The following ITIH6 variants were observed in gnomAD, a reference collection of about 807,000 sequenced individuals.
ITIH6 encodes inter-alpha-trypsin inhibitor heavy chain H6.
A neutral mutation model predicts 58.2 loss-of-function variants in ITIH6; 60 were observed. The ratio of observed to expected loss-of-function variants is 1.03; its 90% confidence interval spans 0.84 to 1.28. The LOEUF is 1.28. Ranked by LOEUF, ITIH6 falls within the 50% of genes most tolerant of loss-of-function variation. The pLI is 0.00. For missense variants in ITIH6, 1,290 were observed against 1,021.1 expected (o/e 1.26, Z -3.59); for synonymous variants, 493 against 417.4 (o/e 1.18, Z -2.21).
At chrX:54,755,517 A>G (rs1602050342) in intron 8 of ITIH6, among the ~76,000 whole-genome samples, 1 of 111,084 alleles carries the variant, frequency 9.0e-6, no homozygotes, top group Non-Finnish European at 1.9e-5. Flanking sequence ...TTAAACAGAG[A>G]CCTGAAGTAG....
chrX:54,750,389 G>T (rs1010872860), intron 12 of ITIH6, among the ~76,000 whole-genome samples: 3 of 110,650 alleles, frequency 2.7e-5, no homozygotes, highest in African/African-American at 9.9e-5. Flanking sequence ...GAGACAAGAG[G>T]AGGGAGGAGG....
rs182886694 is a variant in ITIH6 at position 54,793,254 on chromosome X, G to T, written c.258-1218C>A. On this transcript the variant is annotated intron_variant, in intron 2 of 12. Transcript: ENST00000218436. Reference sequence around the variant, plus strand: ...TACTATGCAGCCATAAAAATGATGAGTTCATGTCCTTTGTAGGGACATGGA... The same window carrying T: ...TACTATGCAGCCATAAAAATGATGATTTCATGTCCTTTGTAGGGACATGGA... 7.4e-3 allele frequency among the ~76,000 whole-genome samples: 828 copies of T among 111,547 alleles called. 7 individuals carry two copies. The highest frequency in any genetic ancestry group is 0.026 in the African/African-American group (790 of 30,643).
intron 5 of ITIH6, among the ~76,000 whole-genome samples, chrX:54,785,835 T>C (rs763525271): frequency 9.0e-6 from 1 of 111,672 alleles, no homozygotes; most frequent in African/African-American, 3.3e-5. Flanking sequence ...AGGGTATCCA[T>C]AGCTGCTGGA....
intron 6 of ITIH6, among the ~76,000 whole-genome samples, chrX:54,762,926 T>C (rs1928681746): frequency 9.0e-6 from 1 of 111,627 alleles, no homozygotes; most frequent in Non-Finnish European, 1.9e-5. Flanking sequence ...ATGCATCAGC[T>C]CACTTAATTA....
rs1245308052 is a variant in ITIH6 at position 54,749,550 on chromosome X, T to G, written c.*345A>C. 1 of 186,231 alleles carries G rather than the reference T, an allele frequency of 5.4e-6. No individual in the cohort carries two copies. Among genetic ancestry groups the G allele is most frequent in the Non-Finnish European group, 9.9e-6 (1 of 101,314 alleles). 15.3% of individuals were successfully genotyped at this position (186,231 alleles called of 1,213,427 possible). ...TGAGCATGGTTTGTTAGGGAAACTC[T>G]GAGAGCCTTGAATATGCCATAGGAG... On this transcript the variant is annotated 3_prime_UTR_variant, in exon 13 of 13. Transcript: ENST00000218436.
At chrX:54,771,292 T>C (rs941731827) in intron 6 of ITIH6, among the ~76,000 whole-genome samples, 2 of 112,327 alleles carry the variant, frequency 1.8e-5, no homozygotes, top group Non-Finnish European at 3.8e-5. Context: ...CTTTCTCTCT[T>C]TCTTCTCCTT....
At chrX:54,786,935 G>A (rs891660222) in intron 5 of ITIH6, among the ~76,000 whole-genome samples, 1 of 111,569 alleles carries the variant, frequency 9.0e-6, no homozygotes, top group African/African-American at 3.3e-5. Flanking sequence ...GGCTTTGAAC[G>A]AAGGGCACAC....
intron 2 of ITIH6, 23 bp from the exon 3 acceptor site, chrX:54,792,059 G>A (rs756789391): frequency 3.8e-5 from 40 of 1,055,268 alleles, no homozygotes; most frequent in Non-Finnish European, 5.3e-5. Flanking sequence ...GAAAGAGGAG[G>A]GACAGTAGAG....
rs1009535595 is a variant in ITIH6, at chrX:54,797,154, G to A, written c.103-58C>T. The A allele has an allele frequency of 1.7e-5, 18 of 1,059,623 alleles. No homozygotes were observed. The African/African-American group carries it at 2.8e-4, about 16-fold the overall frequency. 87.3% of individuals were successfully genotyped at this position (1,059,623 alleles called of 1,213,427 possible). On this transcript the variant is annotated intron_variant, in intron 1 of 12. Transcript: ENST00000218436. ...TAGACTATGTCCTCAGCCTAGATGGGCTAGTCTTTGGGAACCCAAGATTCC... is the reference window on the plus strand; with the variant it reads ...TAGACTATGTCCTCAGCCTAGATGGACTAGTCTTTGGGAACCCAAGATTCC...
At chrX:54,760,626 C>T (rs901507188) in intron 6 of ITIH6, among the ~76,000 whole-genome samples, 6 of 111,015 alleles carry the variant, frequency 5.4e-5, no homozygotes, top group Non-Finnish European at 9.4e-5. Flanking sequence ...TGTGATGTTC[C>T]CCTTCCTGTG....
chrX:54,786,140 A>G (rs1929239872), intron 5 of ITIH6, among the ~76,000 whole-genome samples: 1 of 111,963 alleles, frequency 8.9e-6, no homozygotes, highest in African/African-American at 3.2e-5. Flanking sequence ...CAGGGGCACC[A>G]TCATCCACAT....
Position 54,750,050 on chromosome X carries a change from G to A in ITIH6, c.3787C>T (p.Arg1263Ter), listed in dbSNP as rs200661984. ...GGCACATCTGGGCCATGGTGCCTTCGTAAGCATGGCCCCATAGGTCCTGTC... is the reference window on the plus strand; with the variant it reads ...GGCACATCTGGGCCATGGTGCCTTCATAAGCATGGCCCCATAGGTCCTGTC... ...LVTGPMGPCL[R>*]RHHGPDVPVI... is the part of the protein sequence containing the mutation. Residue 1263 changes from arginine to a stop codon, truncating the protein, a stop_gained, in exon 13 of 13, where the codon CGA (arginine) becomes TGA (stop). Coordinates refer to ENST00000218436, the MANE Select transcript of ITIH6 (RefSeq NM_198510.3). LOFTEE classifies it high-confidence loss of function. 3.6e-5 allele frequency: 44 copies of A among 1,209,555 alleles called. No homozygotes were observed. Among genetic ancestry groups the A allele is most frequent in the African/African-American group, 8.7e-5 (5 of 57,169 alleles).
At chrX:54,778,602 G>T (rs1236042494) in intron 5 of ITIH6, among the ~76,000 whole-genome samples, 2 of 111,960 alleles carry the variant, frequency 1.8e-5, no homozygotes, top group Non-Finnish European at 3.8e-5. Context: ...AAAGTAAAAA[G>T]AATAAGAAGC....
In ITIH6 at chrX:54,755,097, C is replaced by A. The variant is rs17316491; in HGVS notation, c.3122G>T (p.Trp1041Leu). 2 of 1,205,702 alleles carry A rather than the reference C, an allele frequency of 1.7e-6. No individual in the cohort carries two copies. The change falls in exon 9 of 13, where the codon TGG (tryptophan) becomes TTG (leucine). Residue 1041 changes from tryptophan (W) to leucine (L), a missense_variant. Coordinates refer to ENST00000218436, the MANE Select transcript of ITIH6 (RefSeq NM_198510.3). Reference sequence around the variant, plus strand: ...CAGGATCTCCTCAGAATTGCCATCCCAGTTTGGACTTCCTGCCAAGCACAA... The same window carrying A: ...CAGGATCTCCTCAGAATTGCCATCCAAGTTTGGACTTCCTGCCAAGCACAA... Reference protein sequence around the residue: ...LTPDEDGSPNWDGNSEEILGG... With the variant: ...LTPDEDGSPNLDGNSEEILGG...
chrX:54,793,949 G>A (rs1191327105), intron 2 of ITIH6, among the ~76,000 whole-genome samples: 2 of 111,477 alleles, frequency 1.8e-5, no homozygotes, highest in Non-Finnish European at 3.8e-5. Context: ...CCTAGAGAAA[G>A]TTAGTGCAAC....
intron 6 of ITIH6, among the ~76,000 whole-genome samples, chrX:54,773,453 C>T (rs1208284401): frequency 9.0e-6 from 1 of 110,953 alleles, no homozygotes; most frequent in Non-Finnish European, 1.9e-5. Context: ...GATTAAGGAG[C>T]AAAGCTATAC....
At chrX:54,786,335 G>A (rs1320941155) in intron 5 of ITIH6, among the ~76,000 whole-genome samples, 2 of 111,351 alleles carry the variant, frequency 1.8e-5, no homozygotes, top group Non-Finnish European at 3.8e-5. Flanking sequence ...CTTCTACTGC[G>A]ACCTCTCCCA....
intron 7 of ITIH6, among the ~76,000 whole-genome samples, chrX:54,759,316 C>A (rs1403126298): frequency 1.8e-5 from 2 of 111,508 alleles, no homozygotes; most frequent in Non-Finnish European, 3.8e-5. Context: ...GCACCCCCCC[C>A]TCCAACCTTC....
Position 54,759,861 on chromosome X carries a change from A to G in ITIH6, c.970T>C (p.Phe324Leu). ...QANDYFNIISFSDTVNVWKAG... is the reference protein window; with the variant it reads ...QANDYFNIISLSDTVNVWKAG... Reference sequence around the variant, plus strand: ...TTCCAAACATTAACTGTGTCAGAAAAGGAGATGATGTTGAAGTAGTCATTG... The same window carrying G: ...TTCCAAACATTAACTGTGTCAGAAAGGGAGATGATGTTGAAGTAGTCATTG... Residue 324 changes from phenylalanine (F) to leucine (L), a missense_variant, in exon 7 of 13, where the codon TTT becomes CTT. Phe to Leu is a conservative substitution (Grantham distance 22). Transcript: ENST00000218436. 1 of 1,210,222 alleles carries G rather than the reference A, an allele frequency of 8.3e-7. No individual in the cohort carries two copies. Among genetic ancestry groups the G allele is most frequent in the Non-Finnish European group, 1.1e-6 (1 of 894,016 alleles).
Sources: allele counts gnomAD v4.1 joint callset (sites outside exome capture counted in the v4.1 genomes callset), GRCh38; gene constraint gnomAD v4.1.1; transcripts MANE v1.5; gene names NCBI Gene and HGNC (gene_info 2026-07-23, HGNC 2026-07-21).